Variants in HSD17B12 observed in about 807,000 individuals in gnomAD.
The protein encoded by HSD17B12 is very-long-chain 3-oxoacyl-CoA reductase.
Under a neutral mutation model 39.3 loss-of-function variants are expected in HSD17B12, and 32 were observed. That is an observed-to-expected ratio of 0.81 (90% confidence interval 0.61 to 1.09). The LOEUF (loss-of-function observed/expected upper bound fraction) is 1.09. Among genes scored for constraint, HSD17B12 ranks in the 50% least tolerant of loss-of-function variants. The pLI is 0.00. For synonymous variants in HSD17B12, 150 were observed against 146.7 expected, an observed-to-expected ratio of 1.02 and a Z score of -0.16; for missense variants, 342 against 382.9, an observed-to-expected ratio of 0.89 and a Z score of 0.89.
chr11:43,633,871 T>C, the HSD17B12 span, among the ~76,000 whole-genome samples: 1 of 151,794 alleles, frequency 6.6e-6, no homozygotes, highest in Non-Finnish European at 1.5e-5. Flanking sequence ...CATCAGGAGT[T>C]CGAGACCAGC....
At chr11:43,828,924 CAT>C (rs1210735196) in intron 6 of HSD17B12, among the ~76,000 whole-genome samples, 1 of 152,114 alleles carries the variant, frequency 6.6e-6, no homozygotes, top group African/African-American at 2.4e-5. Context: ...TATACATACT[CAT>C]ATAAAGAAGG....
chr11:43,635,747 G>A, the HSD17B12 span, among the ~76,000 whole-genome samples: 1 of 152,154 alleles, frequency 6.6e-6, no homozygotes, highest in Non-Finnish European at 1.5e-5. Flanking sequence ...AAGATGATTT[G>A]ATTTGAATGA....
At chr11:43,641,870 ATGCTT>A in the HSD17B12 span, among the ~76,000 whole-genome samples, 2 of 151,940 alleles carry the variant, frequency 1.3e-5, no homozygotes, top group African/African-American at 4.8e-5. Context: ...AACATTTTAA[ATGCTT>A]TGAAGTATTT....
intron 1 of HSD17B12, among the ~76,000 whole-genome samples, chr11:43,690,404 A>ATAT (rs1554959942): frequency 3.6e-4 from 9 of 24,952 alleles, no homozygotes; most frequent in African/African-American, 9.6e-4. Flanking sequence ...ATATATATAT[A>ATAT]TTTTTTTTTT....
chr11:43,742,139 A>ATATATATATATATATT (rs61178234), intron 1 of HSD17B12, among the ~76,000 whole-genome samples: 1 of 123,508 alleles, frequency 8.1e-6, no homozygotes, highest in African/African-American at 3.0e-5. Context: ...ATATATATAT[A>ATATATATATATATATT]TTTTTTTTTT....
At chr11:43,775,758 C>T (rs369414156) in intron 3 of HSD17B12, among the ~76,000 whole-genome samples, 1 of 142,764 alleles carries the variant, frequency 7.0e-6, no homozygotes, top group Non-Finnish European at 1.5e-5. Context: ...TCCCTCCCCC[C>T]TCCCCCGATC....
At chr11:43,557,868 G>C in the HSD17B12 span, among the ~76,000 whole-genome samples, 9 of 152,238 alleles carry the variant, frequency 5.9e-5, no homozygotes, top group East Asian at 1.2e-3. Flanking sequence ...TGCTGTAACG[G>C]GGGGGAGCCT....
chr11:43,804,896 G>T (rs1951004162), intron 4 of HSD17B12, among the ~76,000 whole-genome samples: 1 of 152,158 alleles, frequency 6.6e-6, no homozygotes, highest in Admixed American at 6.5e-5. Context: ...TTGGGGAAAG[G>T]ACTAGTTAGC....
chr11:43,617,492 T>C, the HSD17B12 span, among the ~76,000 whole-genome samples: 1 of 152,156 alleles, frequency 6.6e-6, no homozygotes, highest in African/African-American at 2.4e-5. Flanking sequence ...GATGAGCTCT[T>C]CCTGTGATCT....
chr11:43,694,242 C>T (rs1949889761), intron 1 of HSD17B12, among the ~76,000 whole-genome samples: 1 of 152,122 alleles, frequency 6.6e-6, no homozygotes, highest in South Asian at 2.1e-4. Context: ...ATAAGGGTTA[C>T]ACAGATAGTA....
At chr11:43,808,309 T>A (rs1331058922) in intron 4 of HSD17B12, among the ~76,000 whole-genome samples, 1 of 151,250 alleles carries the variant, frequency 6.6e-6, no homozygotes, top group Non-Finnish European at 1.5e-5. Flanking sequence ...TTTTTTTTAA[T>A]GTGCTAGGAG....
the HSD17B12 span, among the ~76,000 whole-genome samples, chr11:43,655,343 A>G: frequency 7.9e-5 from 12 of 152,188 alleles, no homozygotes; most frequent in Non-Finnish European, 1.3e-4. Flanking sequence ...CAATCATGTC[A>G]TCTGCAAACA....
chr11:43,680,566 A>C (rs534434859), upstream of HSD17B12: 111 of 496,354 alleles, frequency 2.2e-4, no homozygotes, highest in African/African-American at 2.1e-3. Flanking sequence ...TCACTGGCGG[A>C]ACCCCGGGGG....
chr11:43,815,387 T>C (rs1355735037), intron 4 of HSD17B12, 50 bp from the exon 5 acceptor site: 1 of 1,006,356 alleles, frequency 9.9e-7, no homozygotes, highest in Non-Finnish European at 1.5e-6. Flanking sequence ...TTTTAACAAA[T>C]CTTTAAAATA....
the HSD17B12 span, among the ~76,000 whole-genome samples, chr11:43,591,768 G>T: frequency 6.6e-6 from 1 of 151,696 alleles, no homozygotes; most frequent in Non-Finnish European, 1.5e-5. Flanking sequence ...AAACACTAAA[G>T]ATAATTTATC....
intron 6 of HSD17B12, among the ~76,000 whole-genome samples, chr11:43,816,622 A>G (rs182971829): frequency 1.1e-3 from 162 of 151,954 alleles, no homozygotes; most frequent in Non-Finnish European, 1.6e-3. Flanking sequence ...TAATTATTTA[A>G]TTTTTTATTT....
chr11:43,611,216 G>A, the HSD17B12 span, among the ~76,000 whole-genome samples: 2 of 152,090 alleles, frequency 1.3e-5, no homozygotes, highest in African/African-American at 4.8e-5. Context: ...TTTTAAAAAG[G>A]TATAACAACA....
the HSD17B12 span, among the ~76,000 whole-genome samples, chr11:43,616,676 A>C: frequency 0.39 from 59,063 of 150,862 alleles, 12,916 homozygotes; most frequent in East Asian, 0.74. Flanking sequence ...AATAGGCAGA[A>C]GTTGGCATTT....
At chr11:43,816,203 C>A in intron 5 of HSD17B12, 144 bp from the exon 6 acceptor site, 1 of 574,616 alleles carries the variant, frequency 1.7e-6, no homozygotes, top group Non-Finnish European at 2.8e-6. Flanking sequence ...AAATCTGCCT[C>A]TCTACCCCAA....
Sources: gnomAD v4.1 joint callset for allele counts (sites outside exome capture counted in the v4.1 genomes callset) on GRCh38, gnomAD v4.1.1 for gene constraint, MANE v1.5 for transcripts, NCBI Gene and HGNC (gene_info 2026-07-23, HGNC 2026-07-21) for gene names.